MAGI1: variants seen among roughly 807,000 people sequenced by gnomAD.
The protein encoded by MAGI1 is membrane associated guanylate kinase, WW and PDZ domain containing 1, also known as membrane-associated guanylate kinase, WW and PDZ domain-containing protein 1.
Under a neutral mutation model 139.9 loss-of-function variants are expected in MAGI1, and 58 were observed. That is an observed-to-expected ratio of 0.41 (90% confidence interval 0.34 to 0.52). The LOEUF is 0.52. MAGI1 is among the 20% of genes least tolerant of loss of function. MAGI1 has a pLI of 0.12. For synonymous variants in MAGI1, 812 were observed against 737.9 expected (o/e 1.10, Z -1.63); for missense variants, 1,874 against 1,901.6 (o/e 0.99, Z 0.27).
chr3:65,442,985 C>CAAA (rs1427255458), intron 7 of MAGI1, 136 bp from the exon 8 acceptor site: 2 of 390,968 alleles, frequency 5.1e-6, no homozygotes, highest in Non-Finnish European at 4.6e-6. Context: ...ATATCCTAAC[C>CAAA]AAAAAAAAAA....
chr3:65,655,820 T>C (rs1228442067), intron 1 of MAGI1, among the ~76,000 whole-genome samples: 2 of 152,228 alleles, frequency 1.3e-5, no homozygotes, highest in East Asian at 3.9e-4. Flanking sequence ...TGAATTCCAA[T>C]GTCCAGTTGA....
intron 1 of MAGI1, among the ~76,000 whole-genome samples, chr3:66,023,300 G>A (rs1311287049): frequency 6.6e-6 from 1 of 152,154 alleles, no homozygotes. Context: ...TCCAAACCAA[G>A]TAAGATTTTA....
In MAGI1 at chr3:65,442,830, T is replaced by C. The variant is rs1422141217; in HGVS notation, c.1098A>G (p.Glu366=). The change falls in exon 8 of 23, where the codon GAA becomes GAG. Residue 366 remains glutamate (E), a synonymous_variant. Coordinates refer to ENST00000402939, the MANE Select transcript of MAGI1 (RefSeq NM_001033057.2). Reference sequence around the variant, plus strand: ...TACCATAGACAGGGTCTTCAATCTTTTCCCAACCAGCAGGCAGTTCTGAAA... The same window carrying C: ...TACCATAGACAGGGTCTTCAATCTTCTCCCAACCAGCAGGCAGTTCTGAAA... ...DSELELPAGW[E]KIEDPVYGIY... 2 of 1,613,112 alleles carry C rather than the reference T, an allele frequency of 1.2e-6. No homozygotes were observed. The highest frequency in any genetic ancestry group is 1.7e-6 in the Non-Finnish European group (2 of 1,179,430).
intron 2 of MAGI1, among the ~76,000 whole-genome samples, chr3:65,594,676 AT>A (rs1017462404): frequency 2.6e-5 from 4 of 151,964 alleles, no homozygotes; most frequent in South Asian, 2.1e-4. Context: ...AACATAAGAA[AT>A]TTTTTTTTCA....
chr3:65,728,984 G>A (rs906060003), intron 1 of MAGI1, among the ~76,000 whole-genome samples: 1 of 152,050 alleles, frequency 6.6e-6, no homozygotes, highest in Non-Finnish European at 1.5e-5. Flanking sequence ...ATGACATGCA[G>A]TAAAACCTGA....
At chr3:65,536,582 A>G (rs1325917066) in intron 2 of MAGI1, among the ~76,000 whole-genome samples, 1 of 152,090 alleles carries the variant, frequency 6.6e-6, no homozygotes, top group African/African-American at 2.4e-5. Context: ...TCTAGTCACT[A>G]TTACCCATTT....
chr3:65,761,208 T>C (rs1307696871), intron 1 of MAGI1, among the ~76,000 whole-genome samples: 10 of 152,146 alleles, frequency 6.6e-5, no homozygotes, highest in African/African-American at 2.2e-4. Flanking sequence ...CAAAAGATGG[T>C]ATGTTTTAGG....
At chr3:65,428,410 G>A (rs945539485) in intron 12 of MAGI1, among the ~76,000 whole-genome samples, 4 of 152,144 alleles carry the variant, frequency 2.6e-5, no homozygotes, top group African/African-American at 9.7e-5. Flanking sequence ...GTTTTCTGGT[G>A]AGGCAGAGGG....
chr3:65,469,130 A>G (rs1950389080), intron 5 of MAGI1, among the ~76,000 whole-genome samples: 1 of 152,162 alleles, frequency 6.6e-6, no homozygotes, highest in African/African-American at 2.4e-5. Flanking sequence ...CTAGAACTTG[A>G]TCTACATATT....
chr3:65,405,207 T>C (rs1037114740), intron 12 of MAGI1, among the ~76,000 whole-genome samples: 1 of 152,188 alleles, frequency 6.6e-6, no homozygotes. Context: ...AAGTTCTCTA[T>C]TAAAATGGTG....
intron 1 of MAGI1, among the ~76,000 whole-genome samples, chr3:65,724,658 C>T (rs1280638258): frequency 1.3e-5 from 2 of 152,134 alleles, no homozygotes; most frequent in East Asian, 1.9e-4. Context: ...ATACCTGAGA[C>T]TGGGTAATTT....
intron 13 of MAGI1, among the ~76,000 whole-genome samples, chr3:65,391,905 A>T (rs568345039): frequency 6.6e-6 from 1 of 152,314 alleles, no homozygotes; most frequent in African/African-American, 2.4e-5. Context: ...AATCATGCCT[A>T]GTATTATATG....
intron 2 of MAGI1, among the ~76,000 whole-genome samples, chr3:65,499,924 C>G (rs2077019786): frequency 6.6e-6 from 1 of 152,196 alleles, no homozygotes; most frequent in Admixed American, 6.5e-5. Flanking sequence ...AGGCAGGTAA[C>G]TGTCTTGGCA....
intron 1 of MAGI1, among the ~76,000 whole-genome samples, chr3:65,641,412 G>A (rs1288046319): frequency 6.6e-6 from 1 of 152,190 alleles, no homozygotes; most frequent in African/African-American, 2.4e-5. Flanking sequence ...TATAGGGAAG[G>A]ACTAGGCATC....
At chr3:65,642,132 T>C (rs1242265060) in intron 1 of MAGI1, among the ~76,000 whole-genome samples, 2 of 151,978 alleles carry the variant, frequency 1.3e-5, no homozygotes, top group Non-Finnish European at 2.9e-5. Flanking sequence ...AAAGAACAAA[T>C]AGAAGGCTCC....
chr3:65,391,576 C>T (rs919969659), intron 13 of MAGI1, among the ~76,000 whole-genome samples: 2 of 152,194 alleles, frequency 1.3e-5, no homozygotes, highest in African/African-American at 4.8e-5. Flanking sequence ...AAGACATAAT[C>T]ATAACCCATA....
At chr3:65,562,602 T>C (rs899412367) in intron 2 of MAGI1, among the ~76,000 whole-genome samples, 1 of 152,112 alleles carries the variant, frequency 6.6e-6, no homozygotes. Context: ...AATCCTCCCA[T>C]CTCAGCCTTC....
At position 65,588,103 on chromosome 3, in the gene MAGI1, A is replaced by T. The variant is rs147351883; in HGVS notation, c.430+33869T>A. 6.8e-4 allele frequency among the ~76,000 whole-genome samples: 104 copies of T among 152,174 alleles called. 2 individuals are homozygous for T. Among genetic ancestry groups the T allele is most frequent in the African/African-American group, 2.3e-3 (96 of 41,516 alleles). On this transcript the variant is annotated intron_variant, in intron 2 of 22. Transcript: ENST00000402939. Reference sequence around the variant, plus strand: ...TCTGCCTACCAAAGACTCGCTAAAAACCCATATTACAAGCAATTCAAAGCA... The same window carrying T: ...TCTGCCTACCAAAGACTCGCTAAAATCCCATATTACAAGCAATTCAAAGCA...
intron 6 of MAGI1, among the ~76,000 whole-genome samples, chr3:65,450,433 A>T (rs1482391351): frequency 6.6e-6 from 1 of 152,178 alleles, no homozygotes; most frequent in Non-Finnish European, 1.5e-5. Flanking sequence ...CAGCTGGTTC[A>T]CGGGTTAGAA....
Sources: allele counts gnomAD v4.1 joint callset (sites outside exome capture counted in the v4.1 genomes callset), GRCh38; gene constraint gnomAD v4.1.1; transcripts MANE v1.5; gene names NCBI Gene and HGNC (gene_info 2026-07-23, HGNC 2026-07-21).